KY: variants seen among roughly 807,000 people sequenced by gnomAD.
The protein encoded by KY is kyphoscoliosis peptidase.
Under a neutral mutation model 76.1 loss-of-function variants are expected in KY, and 43 were observed. The ratio of observed to expected loss-of-function variants is 0.57; its 90% CI spans 0.44 to 0.73. The LOEUF (loss-of-function observed/expected upper bound fraction) is 0.73, where lower values mean the gene tolerates loss of function less well. Among genes scored for constraint, KY ranks in the 30% least tolerant of loss-of-function variants. The pLI is 0.00. For synonymous variants in KY, 277 were observed against 326.2 expected, an observed-to-expected ratio of 0.85 and a Z score of 1.63; for missense variants, 722 against 828.9, an observed-to-expected ratio of 0.87 and a Z score of 1.58.
intron 3 of KY, among the ~76,000 whole-genome samples, chr3:134,642,784 G>A (rs893898332): frequency 6.6e-6 from 1 of 152,214 alleles, no homozygotes; most frequent in African/African-American, 2.4e-5. Context: ...AAGCAGAGAT[G>A]TGTGAAGGTT....
At chr3:134,647,315 G>A (rs2108038615) in intron 2 of KY, 120 bp downstream of exon 2, 6 of 800,912 alleles carry the variant, frequency 7.5e-6, no homozygotes, top group Middle Eastern at 3.3e-4. Context: ...GTCAGGAGCA[G>A]CCACTTTCCG....
rs1330790365 is a variant in KY, at chr3:134,607,474, C to T, written c.1090+1175G>A. ...GTGAGCTCAGACCTCCTGTCCTGGG[C>T]GGATGGAGGCCCCAGTGGCAGAGAC... On this transcript the variant is annotated intron_variant, in intron 10 of 10. Transcript: ENST00000423778. 4.2e-5 allele frequency: 41 copies of T among 985,534 alleles called. No individual in the cohort carries two copies. In the East Asian group the frequency reaches 4.5e-4, roughly 11 times the overall value. The allele number at this position is 985,534 out of a possible 1,614,324, so 61.0% of individuals were successfully genotyped here. A position where few individuals can be genotyped will look rare whatever the true frequency, so the allele number is the denominator to read the frequency against.
rs751688536 is a variant in KY, at chr3:134,604,214, G to A, written c.1351C>T (p.Pro451Ser). ...GVQLPAELHQPVGPSWFSEQM... is the reference protein window; with the variant it reads ...GVQLPAELHQSVGPSWFSEQM... Reference sequence around the variant, plus strand: ...TCCGAGAACCAGCTGGGGCCCACGGGCTGGTGAAGCTCAGCAGGCAGCTGG... The same window carrying A: ...TCCGAGAACCAGCTGGGGCCCACGGACTGGTGAAGCTCAGCAGGCAGCTGG... The change falls in exon 11 of 11, where the codon CCC (proline) becomes TCC (serine). Residue 451 changes from proline to serine, a missense_variant. Around this residue, in one of 2 missense-constraint regions of KY, gnomAD observed 552 missense variants for 680.9 expected, o/e 0.81. Transcript: ENST00000423778. 2 of 1,613,146 alleles carry A rather than the reference G, an allele frequency of 1.2e-6. No homozygotes were observed. Among genetic ancestry groups the A allele is most frequent in the East Asian group, 4.5e-5 (2 of 44,838 alleles).
At position 134,619,135 on chromosome 3, in the gene KY, C is replaced by T; in HGVS notation, c.710+13G>A. The T allele has an allele frequency of 6.2e-7, 1 of 1,607,176 alleles. No homozygotes were observed. Among genetic ancestry groups the T allele is most frequent in the Non-Finnish European group, 8.5e-7 (1 of 1,174,092 alleles). On this transcript the variant is annotated intron_variant, in intron 8 of 10. Coordinates refer to ENST00000423778, the MANE Select transcript of KY (RefSeq NM_178554.6). ...GGTCCGGTGGTCAGCATGGGGACTC[C>T]TGTCTCTCGTACCTGCACATTCTCT... is the stretch of plus-strand genomic sequence containing the variant.
chr3:134,625,014 C>G, intron 6 of KY, 39 bp downstream of exon 6: 1 of 1,550,160 alleles, frequency 6.5e-7, no homozygotes, highest in Admixed American at 1.9e-5. Context: ...TCTAAGCCAC[C>G]TTGAAGGGGC....
At chr3:134,610,474 G>T in intron 8 of KY, 91 bp from the exon 9 acceptor site, 2 of 1,087,888 alleles carry the variant, frequency 1.8e-6, no homozygotes, top group Non-Finnish European at 2.7e-6. Context: ...CATGTTTGCT[G>T]CCCATCAGTC....
At chr3:134,614,754 C>A (rs1961196972) in intron 8 of KY, among the ~76,000 whole-genome samples, 1 of 152,174 alleles carries the variant, frequency 6.6e-6, no homozygotes, top group South Asian at 2.1e-4. Context: ...ATGGTCCAGG[C>A]CCTGCCATAG....
chr3:134,606,887 G>A, intron 10 of KY: 1 of 981,038 alleles, frequency 1.0e-6, no homozygotes, highest in Non-Finnish European at 1.2e-6. Context: ...CCTTATCTAG[G>A]TGCCCTCTTC....
chr3:134,641,936 C>CT (rs1206865320), intron 3 of KY, among the ~76,000 whole-genome samples: 73 of 152,088 alleles, frequency 4.8e-4, no homozygotes, highest in Admixed American at 9.2e-4. Flanking sequence ...TCTCTGAGTC[C>CT]TTTTTTTTGT....
In KY at chr3:134,602,197, G is replaced by A. The variant is rs1173681685; in HGVS notation, c.*1382C>T. Among the ~76,000 whole-genome samples the A allele has an allele frequency of 1.3e-5, 2 of 152,148 alleles. No homozygotes were observed. The highest frequency in any genetic ancestry group is 2.9e-5 in the Non-Finnish European group (2 of 68,010). On this transcript the variant is annotated 3_prime_UTR_variant, in exon 11 of 11. Coordinates refer to ENST00000423778, the MANE Select transcript of KY (RefSeq NM_178554.6). ...AAGCCGGGAGTTCAGCAGGGAGCAT[G>A]TCTGTGTGCCAGGATGGTTCTGCAG...
intron 9 of KY, among the ~76,000 whole-genome samples, chr3:134,609,309 G>A (rs539270700): frequency 2.0e-5 from 3 of 152,200 alleles, no homozygotes; most frequent in Admixed American, 6.5e-5. Context: ...CTCTCTGGAT[G>A]TCAGTAATGG....
In KY at chr3:134,603,613, G is replaced by A. The variant is rs373526113; in HGVS notation, c.1952C>T (p.Ser651Phe). 9.7e-5 allele frequency: 155 copies of A among 1,599,258 alleles called. No homozygotes were observed. The highest frequency in any genetic ancestry group is 1.1e-4 in the Non-Finnish European group (132 of 1,170,534). ...ATTCACTTTGTATTTCAGGATGTAG[G>A]AGTAGAAATTGTGGTTGGCATTCTC... ...VLENANHNFY[S>F]YILKYKVNAQ is the part of the protein sequence containing the mutation. Residue 651 changes from serine (S) to phenylalanine (F), a missense_variant, in exon 11 of 11, where the codon TCC (serine) becomes TTC (phenylalanine). This residue lies in a region of KY where 552 missense variants were observed against 680.9 expected (regional missense o/e 0.81). Transcript: ENST00000423778.
chr3:134,619,710 G>A (rs1962257306), intron 7 of KY, among the ~76,000 whole-genome samples: 1 of 152,252 alleles, frequency 6.6e-6, no homozygotes, highest in Non-Finnish European at 1.5e-5. Flanking sequence ...ACTAAGGAGG[G>A]GATGAAGACA....
Position 134,604,057 on chromosome 3 carries a change from A to G in KY, c.1508T>C (p.Ile503Thr). 1.9e-6 allele frequency: 3 copies of G among 1,613,890 alleles called. No individual in the cohort carries two copies. The highest frequency in any genetic ancestry group is 1.7e-6 in the Non-Finnish European group (2 of 1,179,842). ...LASLHGDDGPITEETQRRYIF... is the reference protein window; with the variant it reads ...LASLHGDDGPTTEETQRRYIF... ...GTAGCGCCGCTGTGTCTCCTCAGTG[A>G]TGGGGCCATCATCCCCGTGGAGGGA... The change falls in exon 11 of 11, where the codon ATC (isoleucine) becomes ACC (threonine). Residue 503 changes from isoleucine (I) to threonine (T), a missense_variant. By Grantham distance (89) the Ile-to-Thr change is moderately conservative (BLOSUM62 -1). This residue lies in a region of KY where 552 missense variants were observed against 680.9 expected (regional missense o/e 0.81). Transcript: ENST00000423778.
chr3:134,608,616 C>T, intron 10 of KY, 33 bp downstream of exon 10: 1 of 1,613,922 alleles, frequency 6.2e-7, no homozygotes, highest in South Asian at 1.1e-5. Context: ...TCCATTCCTG[C>T]TGCTAGCACA....
chr3:134,631,579 A>G (rs946740317), intron 3 of KY, among the ~76,000 whole-genome samples: 2 of 152,206 alleles, frequency 1.3e-5, no homozygotes, highest in Non-Finnish European at 2.9e-5. Flanking sequence ...TATGACAACT[A>G]CAACATAGAG....
At position 134,603,470 on chromosome 3, in the gene KY, G is replaced by A; in HGVS notation, c.*109C>T. The stretch of plus-strand genomic sequence containing the variant: ...GGACACTGAGGCAGAGGCCTAGAAG[G>A]GATTTCATGCAGACTCAGTGGTGTC... On this transcript the variant is annotated 3_prime_UTR_variant, in exon 11 of 11. Transcript: ENST00000423778. 2.1e-6 allele frequency: 2 copies of A among 972,126 alleles called. No homozygotes were observed. Among genetic ancestry groups the A allele is most frequent in the Non-Finnish European group, 3.1e-6 (2 of 654,658 alleles). 60.2% of individuals were successfully genotyped at this position (972,126 alleles called of 1,614,324 possible).
chr3:134,610,799 T>C (rs1013393968), intron 8 of KY: 2 of 158,840 alleles, frequency 1.3e-5, no homozygotes, highest in Non-Finnish European at 2.8e-5. Context: ...AAAACCTACA[T>C]GTAAGGGGCG....
rs1444514128 is a variant in KY, at chr3:134,604,280, G to C, written c.1285C>G (p.Leu429Val). ...KGNSDIYSSV[L>V]EYTLKCNYVD... ...TAATTGCACTTGAGCGTGTACTCCA[G>C]CACTGAGCTGTAGATGTCGGAGTTG... Residue 429 changes from leucine to valine, a missense_variant, in exon 11 of 11, where the codon CTG (leucine) becomes GTG (valine). Physicochemically the swap from Leu to Val is conservative, Grantham distance 32. Coordinates refer to ENST00000423778, the MANE Select transcript of KY (RefSeq NM_178554.6). The C allele has an allele frequency of 8.7e-6, 14 of 1,613,880 alleles. No homozygotes were observed. The highest frequency in any genetic ancestry group is 4.5e-5 in the East Asian group (2 of 44,886).
Sources: allele counts gnomAD v4.1 joint callset (sites outside exome capture counted in the v4.1 genomes callset), GRCh38; gene constraint gnomAD v4.1.1; regional missense constraint gnomAD v4.1.1; transcripts MANE v1.5; gene names NCBI Gene and HGNC (gene_info 2026-07-23, HGNC 2026-07-21).